The following GNAL variants were observed in gnomAD, a reference collection of about 807,000 sequenced individuals.
GNAL encodes guanine nucleotide-binding protein G(olf) subunit alpha.
In GNAL, 18 loss-of-function variants were observed where a neutral mutation model predicts 55.1. The observed-to-expected ratio is 0.33, with a 90% confidence interval of 0.23 to 0.48. The LOEUF (loss-of-function observed/expected upper bound fraction) is 0.48. Ranked by LOEUF, GNAL falls within the 20% of genes least tolerant of loss-of-function variation. The pLI, the probability that GNAL is intolerant of heterozygous loss-of-function variation, is 0.99. For missense variants in GNAL, 412 were observed against 614.1 expected (o/e 0.67, Z 3.48); for synonymous variants, 253 against 237.0 (o/e 1.07, Z -0.62).
At chr18:11,727,963 G>A (rs1019832529) in intron 1 of GNAL, among the ~76,000 whole-genome samples, 1 of 152,114 alleles carries the variant, frequency 6.6e-6, no homozygotes, top group African/African-American at 2.4e-5. Context: ...ATGATGGCTC[G>A]TGCCTATAAC....
chr18:11,847,491 C>T (rs1244738826), intron 5 of GNAL, among the ~76,000 whole-genome samples: 3 of 150,842 alleles, frequency 2.0e-5, no homozygotes, highest in African/African-American at 7.3e-5. Flanking sequence ...TTCATTTTAA[C>T]CACTTGTATT....
chr18:11,730,021 TTTTTC>T (rs960669560), intron 1 of GNAL, among the ~76,000 whole-genome samples: 16 of 151,846 alleles, frequency 1.1e-4, no homozygotes, highest in Middle Eastern at 3.2e-3. Context: ...AAGAGTTAAG[TTTTTC>T]TTTTCTTTTC....
At chr18:11,860,403 T>C (rs958945344) in intron 5 of GNAL, among the ~76,000 whole-genome samples, 16 of 152,220 alleles carry the variant, frequency 1.1e-4, no homozygotes, top group African/African-American at 3.6e-4. Flanking sequence ...CTTACTGTCT[T>C]TGGCCAAGTG....
chr18:11,822,832 T>TTTTTTTTTC (rs2035140641), intron 4 of GNAL, among the ~76,000 whole-genome samples: 2 of 150,798 alleles, frequency 1.3e-5, no homozygotes, highest in Non-Finnish European at 2.9e-5. Flanking sequence ...TTTTTTTTTT[T>TTTTTTTTTC]TTTTTTTGAC....
chr18:11,877,257 T>C (rs891062485), intron 11 of GNAL, among the ~76,000 whole-genome samples: 10 of 152,166 alleles, frequency 6.6e-5, no homozygotes, highest in African/African-American at 2.4e-4. Flanking sequence ...AGTTCGAGAC[T>C]AGCCTGGCCA....
In GNAL at chr18:11,881,120, G is replaced by A. The variant is rs975492459; in HGVS notation, c.1362G>A (p.Gln454=). Residue 454 remains glutamine, a synonymous_variant, in exon 12 of 12, where the codon CAG becomes CAA. Transcript: ENST00000334049. The surrounding 1 kb of genome is among the most constrained non-coding windows in gnomAD (Gnocchi z 4.8). ...TCATCCAGCGGATGCACCTCAAGCA[G>A]TATGAGCTCTTGTGAGGATGCTGCC... ...RDIIQRMHLK[Q]YELL 5.0e-6 allele frequency: 8 copies of A among 1,610,266 alleles called. No homozygotes were observed. The highest frequency in any genetic ancestry group is 5.1e-6 in the Non-Finnish European group (6 of 1,178,030).
intron 4 of GNAL, among the ~76,000 whole-genome samples, chr18:11,773,456 AC>A (rs2033691911): frequency 6.6e-6 from 1 of 152,172 alleles, no homozygotes; most frequent in African/African-American, 2.4e-5. Flanking sequence ...AAGAGAGGAA[AC>A]AAAATAGTAC....
At position 11,855,843 on chromosome 18, in the gene GNAL, ATG is replaced by A. The variant is rs1316187124; in HGVS notation, c.723-6551_723-6550del. On this transcript the variant is annotated intron_variant, in intron 5 of 11. Coordinates refer to ENST00000334049, the MANE Select transcript of GNAL (RefSeq NM_182978.4). ...CAAAATTAGCCGGGCATGGTGGCAC[ATG>A]CCTGTAATCCCAGCTACTTGGGAGG... 5.6e-3 allele frequency among the ~76,000 whole-genome samples: 836 copies of A among 150,046 alleles called. 11 individuals carry two copies. The highest frequency in any genetic ancestry group is 0.02 in the African/African-American group (784 of 39,454).
At chr18:11,862,212 T>C (rs369669820) in intron 5 of GNAL, among the ~76,000 whole-genome samples, 183 bp from the exon 6 acceptor site, 197 of 152,162 alleles carry the variant, frequency 1.3e-3, no homozygotes, top group African/African-American at 4.7e-3. Context: ...TCTCCCTCCC[T>C]GGGTCAAGAA....
intron 5 of GNAL, among the ~76,000 whole-genome samples, chr18:11,842,766 G>T (rs2035647442): frequency 6.6e-6 from 1 of 152,148 alleles, no homozygotes; most frequent in African/African-American, 2.4e-5. Flanking sequence ...CTCACCTCCT[G>T]CTGTGTGGCC....
chr18:11,772,147 G>A (rs2033655664), intron 4 of GNAL, among the ~76,000 whole-genome samples: 1 of 152,234 alleles, frequency 6.6e-6, no homozygotes, highest in African/African-American at 2.4e-5. Context: ...ACTTGCTCCA[G>A]TGTAAAATTT....
chr18:11,705,925 T>C (rs1343100677), intron 1 of GNAL, among the ~76,000 whole-genome samples: 1 of 151,790 alleles, frequency 6.6e-6, no homozygotes, highest in Non-Finnish European at 1.5e-5. Flanking sequence ...CTGGGAAAAT[T>C]TTGTATTTTA....
chr18:11,732,411 C>G (rs1003294906), intron 1 of GNAL, among the ~76,000 whole-genome samples: 7 of 152,200 alleles, frequency 4.6e-5, no homozygotes, highest in African/African-American at 1.4e-4. Flanking sequence ...ATTTGCAGTT[C>G]CTTAATTAAT....
At chr18:11,763,629 C>A (rs1381925280) in intron 4 of GNAL, among the ~76,000 whole-genome samples, 1 of 152,114 alleles carries the variant, frequency 6.6e-6, no homozygotes, top group South Asian at 2.1e-4. Context: ...CACCTCCCTC[C>A]CAAAGTGCCG....
chr18:11,787,032 G>A (rs2034082106), intron 4 of GNAL, among the ~76,000 whole-genome samples: 1 of 152,006 alleles, frequency 6.6e-6, no homozygotes, highest in South Asian at 2.1e-4. Flanking sequence ...TTGAGGCCAG[G>A]AGTTTGAGAC....
At position 11,824,807 on chromosome 18, in the gene GNAL, A is replaced by G. The variant is rs973321499; in HGVS notation, c.625-111A>G. ...TTACTATGCAGACTTCCACAAAGAA[A>G]ATCTGAATGCTACTTGCAAAAAACA... On this transcript the variant is annotated intron_variant, in intron 4 of 11. Transcript: ENST00000334049. The G allele has an allele frequency of 2.4e-5, 15 of 614,502 alleles. No homozygotes were observed. The East Asian group carries it at 4.2e-4, about 17-fold the overall frequency. The allele number at this position is 614,502 out of a possible 1,614,324, so 38.1% of individuals were successfully genotyped here.
intron 4 of GNAL, among the ~76,000 whole-genome samples, chr18:11,775,599 A>G (rs117907438): frequency 5.9e-5 from 9 of 152,334 alleles, no homozygotes; most frequent in Non-Finnish European, 7.4e-5. Flanking sequence ...CAGATTAGAA[A>G]TGAAGAGGGG....
chr18:11,871,444 TTTCACAG>T (rs2036396590), intron 9 of GNAL, among the ~76,000 whole-genome samples: 1 of 152,122 alleles, frequency 6.6e-6, no homozygotes, highest in Non-Finnish European at 1.5e-5. Context: ...AGAGACAGGG[TTTCACAG>T]TGTTGGTCAG....
chr18:11,711,579 T>C (rs1367621574), intron 1 of GNAL, among the ~76,000 whole-genome samples: 1 of 152,210 alleles, frequency 6.6e-6, no homozygotes, highest in Non-Finnish European at 1.5e-5. Context: ...TAGTTTCTAT[T>C]TCTTTGTTGA....
Sources: allele counts gnomAD v4.1 joint callset (sites outside exome capture counted in the v4.1 genomes callset), GRCh38; gene constraint gnomAD v4.1.1; non-coding constraint Gnocchi (gnomAD v3.1); transcripts MANE v1.5; gene names NCBI Gene and HGNC (gene_info 2026-07-23, HGNC 2026-07-21).